Variants in CSMD3 observed in about 807,000 individuals in gnomAD.
CSMD3 encodes CUB and sushi domain-containing protein 3.
A neutral mutation model predicts 435.2 loss-of-function variants in CSMD3; 177 were observed. That is an observed-to-expected ratio of 0.41 (90% CI 0.36 to 0.46). The LOEUF is 0.46. CSMD3 is among the 20% of genes least tolerant of loss of function. The pLI, the probability that CSMD3 is intolerant of heterozygous loss-of-function variation, is 0.34. For synonymous variants in CSMD3, 1,656 were observed against 1,520.5 expected (o/e 1.09, Z -2.07); for missense variants, 4,265 against 4,504.6 (o/e 0.95, Z 1.52).
At chr8:112,247,521 A>G (rs1035478107) in intron 63 of CSMD3, among the ~76,000 whole-genome samples, 1 of 152,196 alleles carries the variant, frequency 6.6e-6, no homozygotes, top group Admixed American at 6.6e-5. Context: ...AAATAAATAT[A>G]GCTAACCACA....
At chr8:112,985,507 G>T (rs183057651) in intron 6 of CSMD3, among the ~76,000 whole-genome samples, 2 of 152,216 alleles carry the variant, frequency 1.3e-5, no homozygotes, top group African/African-American at 4.8e-5. Flanking sequence ...TGTGGACAAG[G>T]TATTAAAGAG....
intron 13 of CSMD3, among the ~76,000 whole-genome samples, chr8:112,762,164 G>A (rs917025522): frequency 8.6e-5 from 13 of 151,898 alleles, no homozygotes; most frequent in African/African-American, 3.1e-4. Flanking sequence ...ATTATGTGAA[G>A]TCTTTAACTA....
At chr8:112,491,487 T>A (rs928654802) in intron 31 of CSMD3, among the ~76,000 whole-genome samples, 1 of 151,880 alleles carries the variant, frequency 6.6e-6, no homozygotes, top group African/African-American at 2.4e-5. Flanking sequence ...AAAACTCTAC[T>A]AAAAATACAA....
intron 27 of CSMD3, among the ~76,000 whole-genome samples, chr8:112,529,963 A>T (rs543280866): frequency 6.6e-6 from 1 of 152,270 alleles, no homozygotes; most frequent in East Asian, 1.9e-4. Flanking sequence ...AACAGATAGA[A>T]AATATAAGAA....
chr8:113,087,952 C>T (rs1271909205), intron 5 of CSMD3, among the ~76,000 whole-genome samples: 95 of 151,270 alleles, frequency 6.3e-4, no homozygotes, highest in African/African-American at 2.3e-3. Context: ...ATTTTCGCAA[C>T]CTACTCATCT....
chr8:113,426,188 G>A (rs2094634982), intron 1 of CSMD3, among the ~76,000 whole-genome samples: 1 of 151,308 alleles, frequency 6.6e-6, no homozygotes. Context: ...AGGTAGCTCA[G>A]CATAAATTCA....
At chr8:112,536,927 C>T (rs1221782916) in intron 27 of CSMD3, among the ~76,000 whole-genome samples, 1 of 151,784 alleles carries the variant, frequency 6.6e-6, no homozygotes, top group Non-Finnish European at 1.5e-5. Context: ...GAACAAAAAA[C>T]CAAACACCGC....
chr8:112,503,425 T>C (rs918160524), intron 30 of CSMD3, among the ~76,000 whole-genome samples: 1 of 152,218 alleles, frequency 6.6e-6, no homozygotes, highest in African/African-American at 2.4e-5. Context: ...GTTGTTCCCT[T>C]TATCACTGAA....
chr8:112,589,391 C>T (rs1266830722), intron 22 of CSMD3, among the ~76,000 whole-genome samples: 1 of 152,090 alleles, frequency 6.6e-6, no homozygotes, highest in Admixed American at 6.6e-5. Context: ...AGAAAATTAC[C>T]ACCCATAAGG....
chr8:113,298,557 G>T (rs910429900), intron 2 of CSMD3, among the ~76,000 whole-genome samples: 2 of 152,030 alleles, frequency 1.3e-5, no homozygotes, highest in South Asian at 2.1e-4. Context: ...GAGGATAGTA[G>T]GTACTCATCA....
intron 28 of CSMD3, among the ~76,000 whole-genome samples, chr8:112,510,723 T>G (rs1027082755): frequency 6.6e-6 from 1 of 152,244 alleles, no homozygotes; most frequent in African/African-American, 2.4e-5. Context: ...ATCTCGGTCA[T>G]TTCTTTGACT....
intron 24 of CSMD3, among the ~76,000 whole-genome samples, chr8:112,563,387 G>A (rs1268830895): frequency 6.6e-6 from 1 of 151,364 alleles, no homozygotes; most frequent in African/African-American, 2.4e-5. Flanking sequence ...TTGCTTTCAG[G>A]AGTTAAGATA....
intron 26 of CSMD3, 64 bp downstream of exon 26, chr8:112,552,530 T>C (rs1363430890): frequency 6.8e-7 from 1 of 1,473,356 alleles, no homozygotes; most frequent in African/African-American, 1.4e-5. Flanking sequence ...ATATTAATTT[T>C]ATATAGGGGT....
chr8:112,520,814 T>C (rs895928639), intron 27 of CSMD3, among the ~76,000 whole-genome samples: 1 of 151,992 alleles, frequency 6.6e-6, no homozygotes, highest in Admixed American at 6.6e-5. Flanking sequence ...TTTTCACTGT[T>C]TCTCCTTCTC....
At chr8:113,407,940 C>T (rs759231677) in intron 1 of CSMD3, among the ~76,000 whole-genome samples, 11 of 151,852 alleles carry the variant, frequency 7.2e-5, no homozygotes, top group Admixed American at 5.9e-4. Context: ...CGCCTAGGAC[C>T]GTAGTTTAAA....
chr8:112,677,841 TTGG>T (rs2075801774), intron 16 of CSMD3, among the ~76,000 whole-genome samples: 1 of 152,094 alleles, frequency 6.6e-6, no homozygotes, highest in East Asian at 1.9e-4. Context: ...TCTTGAGACA[TTGG>T]TGTGCTTTCT....
chr8:112,894,967 T>C (rs1377736150), intron 10 of CSMD3, among the ~76,000 whole-genome samples: 2 of 151,328 alleles, frequency 1.3e-5, no homozygotes, highest in African/African-American at 2.4e-5. Flanking sequence ...GTAATCACTT[T>C]TTGCTAGAAT....
rs200907674 is a variant in CSMD3, at chr8:113,390,167, C to A, written c.178+46510G>T. Among the ~76,000 whole-genome samples, 33 of 151,818 alleles carry A rather than the reference C, an allele frequency of 2.2e-4. No homozygotes were observed. In the East Asian group the frequency reaches 5.4e-3, roughly 25 times the overall value. On this transcript the variant is annotated intron_variant, in intron 1 of 70. Coordinates refer to ENST00000297405, the MANE Select transcript of CSMD3 (RefSeq NM_198123.2). ...CTCCATTCTTTCCACTTATAGTGAA[C>A]TTTTTTGAGACAATACATGAGGTGG...
chr8:113,307,859 A>C (rs72670754), intron 2 of CSMD3, among the ~76,000 whole-genome samples: 17,268 of 152,170 alleles, frequency 0.11, 1,597 homozygotes, highest in African/African-American at 0.25. Context: ...TAGAATTCTC[A>C]TACAGTGATG....
Sources: gnomAD v4.1 joint callset for allele counts (sites outside exome capture counted in the v4.1 genomes callset) on GRCh38, gnomAD v4.1.1 for gene constraint, MANE v1.5 for transcripts, NCBI Gene and HGNC (gene_info 2026-07-23, HGNC 2026-07-21) for gene names.